Variants in HNRNPR observed in about 807,000 individuals in gnomAD.
The protein encoded by HNRNPR is heterogeneous nuclear ribonucleoprotein R.
HNRNPR carries 4 observed loss-of-function variants against 70.3 expected under a neutral mutation model. The ratio of observed to expected loss-of-function variants is 0.06; its 90% CI spans 0.03 to 0.13. The LOEUF is 0.13. HNRNPR is among the 10% of genes least tolerant of loss of function. The pLI is 1.00. For synonymous variants in HNRNPR, 241 were observed against 267.6 expected (o/e 0.90, Z 0.97); for missense variants, 423 against 788.5 (o/e 0.54, Z 5.55).
chr1:23,320,510 G>C (rs925014003), intron 7 of HNRNPR, among the ~76,000 whole-genome samples: 5 of 152,228 alleles, frequency 3.3e-5, no homozygotes, highest in Non-Finnish European at 7.3e-5. Flanking sequence ...ATTTAGGGCA[G>C]AAGAGGAAGA....
At chr1:23,322,039 A>G (rs1168947916) in intron 6 of HNRNPR, among the ~76,000 whole-genome samples, 1 of 152,210 alleles carries the variant, frequency 6.6e-6, no homozygotes, top group African/African-American at 2.4e-5. Flanking sequence ...CATACTCAAA[A>G]TAACAATATG....
chr1:23,313,861 A>T (rs937604540), intron 8 of HNRNPR, among the ~76,000 whole-genome samples, 159 bp from the exon 9 acceptor site: 1 of 152,192 alleles, frequency 6.6e-6, no homozygotes, highest in African/African-American at 2.4e-5. Flanking sequence ...AATGACACTG[A>T]TATCAGTCAC....
intron 7 of HNRNPR, among the ~76,000 whole-genome samples, chr1:23,319,621 T>C (rs569956994): frequency 6.6e-6 from 1 of 152,318 alleles, no homozygotes; most frequent in South Asian, 2.1e-4. Context: ...GCGCTAGGAA[T>C]AATATCCCAT....
At chr1:23,316,136 T>C (rs1442512238) in intron 8 of HNRNPR, among the ~76,000 whole-genome samples, 1 of 152,136 alleles carries the variant, frequency 6.6e-6, no homozygotes, top group East Asian at 1.9e-4. Flanking sequence ...TTTACTCAAA[T>C]GGATAAACTT....
At chr1:23,311,537 A>C in intron 9 of HNRNPR, 1 of 403,312 alleles carries the variant, frequency 2.5e-6, no homozygotes, top group East Asian at 4.7e-5. Flanking sequence ...CATAAATTAC[A>C]TTTAGAACAA....
At chr1:23,320,016 A>T (rs1418063514) in intron 7 of HNRNPR, among the ~76,000 whole-genome samples, 1 of 152,216 alleles carries the variant, frequency 6.6e-6, no homozygotes, top group Non-Finnish European at 1.5e-5. Context: ...GTCTTATCAC[A>T]ATGTCTAAAT....
chr1:23,339,951 G>C (rs1045122992), intron 2 of HNRNPR, among the ~76,000 whole-genome samples: 2 of 151,552 alleles, frequency 1.3e-5, no homozygotes, highest in Non-Finnish European at 2.9e-5. Flanking sequence ...TTTCAAATGC[G>C]ACCATGACCC....
At chr1:23,329,071 C>A (rs1365588285) in intron 5 of HNRNPR, among the ~76,000 whole-genome samples, 1 of 152,094 alleles carries the variant, frequency 6.6e-6, no homozygotes, top group Non-Finnish European at 1.5e-5. Context: ...CAGTGAGCTA[C>A]GATTGTGCCA....
At chr1:23,321,368 T>C (rs936445123) in intron 7 of HNRNPR, among the ~76,000 whole-genome samples, 160 bp downstream of exon 7, 3 of 152,156 alleles carry the variant, frequency 2.0e-5, no homozygotes, top group African/African-American at 7.2e-5. Flanking sequence ...ATAAGGGAAC[T>C]TGCTTAAACC....
At chr1:23,333,706 CA>C in intron 4 of HNRNPR, 75 bp from the exon 5 acceptor site, 1 of 811,394 alleles carries the variant, frequency 1.2e-6, no homozygotes. Flanking sequence ...TAATCTTTTC[CA>C]AAAAGGACTC....
Position 23,306,095 on chromosome 1 carries a change from CTGAAA to C in HNRNPR, c.*4354_*4358del, listed in dbSNP as rs1375286765. On this transcript the variant is annotated 3_prime_UTR_variant, in exon 11 of 11. Transcript: ENST00000302271. ...AAAATATAGAAAATATAATACTAGACTGAAATGACAGTTAAAGCAAATTTATTGTC... is the reference window on the plus strand; with the variant it reads ...AAAATATAGAAAATATAATACTAGACTGACAGTTAAAGCAAATTTATTGTC... 6.6e-6 allele frequency: 1 copy of C among 152,068 alleles called. No individual in the cohort carries two copies. The highest frequency in any genetic ancestry group is 1.5e-5 in the Non-Finnish European group (1 of 68,008). The allele number at this position is 152,068 out of a possible 1,614,324, so 9.4% of individuals were successfully genotyped here.
intron 4 of HNRNPR, among the ~76,000 whole-genome samples, chr1:23,336,610 T>TGTG (rs1361134118): frequency 7.6e-6 from 1 of 130,734 alleles, no homozygotes; most frequent in Non-Finnish European, 1.6e-5. Context: ...ATTAGCTGGA[T>TGTG]GTGGTGGCGC....
In HNRNPR at chr1:23,338,604, C is replaced by G; in HGVS notation, c.162G>C (p.Leu54Phe). Reference sequence around the variant, plus strand: ...TTTCATCAAGATCGACATAAGCTACCAATCCTAAAAATTAAATTGAAAGGG... The same window carrying G: ...TTTCATCAAGATCGACATAAGCTACGAATCCTAAAAATTAAATTGAAAGGG... ...ERLDEIFQTGLVAYVDLDERA... is the reference protein window; with the variant it reads ...ERLDEIFQTGFVAYVDLDERA... Residue 54 changes from leucine to phenylalanine, a missense_variant, in exon 3 of 11, where the codon TTG becomes TTC. Coordinates refer to ENST00000302271, the MANE Select transcript of HNRNPR (RefSeq NM_005826.5). The G allele has an allele frequency of 1.9e-6, 3 of 1,546,578 alleles. No homozygotes were observed. The highest frequency in any genetic ancestry group is 2.6e-6 in the Non-Finnish European group (3 of 1,133,362).
chr1:23,329,646 T>G (rs1420527633), intron 5 of HNRNPR, among the ~76,000 whole-genome samples: 3 of 152,352 alleles, frequency 2.0e-5, no homozygotes, highest in African/African-American at 4.8e-5. Flanking sequence ...CTTTTCTTTT[T>G]TTGAGACAAG....
At chr1:23,334,810 A>C (rs1302297588) in intron 4 of HNRNPR, among the ~76,000 whole-genome samples, 1 of 152,224 alleles carries the variant, frequency 6.6e-6, no homozygotes, top group African/African-American at 2.4e-5. Context: ...TCAGGAATTT[A>C]TGTTATAATT....
At chr1:23,326,666 T>C (rs1345828976) in intron 5 of HNRNPR, among the ~76,000 whole-genome samples, 1 of 152,154 alleles carries the variant, frequency 6.6e-6, no homozygotes, top group Non-Finnish European at 1.5e-5. Flanking sequence ...GCACCTGTAA[T>C]TCCAGCCACT....
chr1:23,327,578 T>C (rs1329029325), intron 5 of HNRNPR, among the ~76,000 whole-genome samples: 1 of 152,024 alleles, frequency 6.6e-6, no homozygotes. Context: ...TAATCCCAGC[T>C]ACTCTGGAGG....
chr1:23,314,160 G>C (rs1645442866), intron 8 of HNRNPR, among the ~76,000 whole-genome samples: 1 of 152,046 alleles, frequency 6.6e-6, no homozygotes, highest in Admixed American at 6.5e-5. Flanking sequence ...ATTAAATCAG[G>C]TAGTGTTAAA....
chr1:23,332,402 A>AT (rs201311668), intron 5 of HNRNPR, among the ~76,000 whole-genome samples: 6,425 of 40,740 alleles, frequency 0.16, 223 homozygotes, highest in Middle Eastern at 0.22. Flanking sequence ...AATTATTGAT[A>AT]TTAAAAAAAA....
Sources: allele counts gnomAD v4.1 joint callset (sites outside exome capture counted in the v4.1 genomes callset), GRCh38; gene constraint gnomAD v4.1.1; transcripts MANE v1.5; gene names NCBI Gene and HGNC (gene_info 2026-07-23, HGNC 2026-07-21).